Variants in RELN observed in about 807,000 individuals in gnomAD.
RELN encodes the protein reelin.
In RELN, 108 loss-of-function variants were observed where a neutral mutation model predicts 427.6. That is an observed-to-expected ratio of 0.25 (90% CI 0.22 to 0.30). RELN has a LOEUF of 0.30. Among genes scored for constraint, RELN ranks in the 10% least tolerant of loss-of-function variants. The probability of loss-of-function intolerance (pLI) is 1.00; values close to 1 mark genes in which losing one functional copy is unlikely to be tolerated. For missense variants in RELN, 3,715 were observed against 4,302.8 expected (o/e 0.86, Z 3.82); for synonymous variants, 1,524 against 1,513.4 (o/e 1.01, Z -0.16).
At chr7:103,639,097 G>A (rs1198933108) in intron 17 of RELN, among the ~76,000 whole-genome samples, 1 of 152,122 alleles carries the variant, frequency 6.6e-6, no homozygotes, top group Non-Finnish European at 1.5e-5. Context: ...TCTGATTATG[G>A]ATAATGGATG....
intron 50 of RELN, among the ~76,000 whole-genome samples, chr7:103,514,940 A>G (rs997300879): frequency 6.6e-6 from 1 of 152,212 alleles, no homozygotes; most frequent in Admixed American, 6.5e-5. Flanking sequence ...AAGAAAAGAA[A>G]ATCCTGTTAA....
chr7:103,535,963 AACAT>A (rs1830042024), intron 45 of RELN, among the ~76,000 whole-genome samples: 20 of 152,124 alleles, frequency 1.3e-4, no homozygotes, highest in South Asian at 2.1e-4. Flanking sequence ...TTTAATGGTT[AACAT>A]ACAAATAAGG....
chr7:103,729,170 G>C (rs1006551439), intron 6 of RELN, among the ~76,000 whole-genome samples: 1 of 152,144 alleles, frequency 6.6e-6, no homozygotes, highest in African/African-American at 2.4e-5. Flanking sequence ...AACCACATGA[G>C]AGCTATATTT....
chr7:103,691,914 G>A (rs1039176161), intron 10 of RELN, among the ~76,000 whole-genome samples: 2 of 151,842 alleles, frequency 1.3e-5, no homozygotes, highest in African/African-American at 2.4e-5. Flanking sequence ...TTCTTATTTC[G>A]TCATGACAAC....
At chr7:103,928,755 C>G (rs759801478) in intron 1 of RELN, among the ~76,000 whole-genome samples, 7 of 152,168 alleles carry the variant, frequency 4.6e-5, no homozygotes, top group Non-Finnish European at 8.8e-5. Flanking sequence ...AGAATTTTCT[C>G]TAACTGACGA....
intron 36 of RELN, among the ~76,000 whole-genome samples, chr7:103,560,964 G>C (rs953315737): frequency 5.9e-5 from 9 of 152,136 alleles, no homozygotes; most frequent in South Asian, 2.1e-4. Context: ...GAGAGAGATG[G>C]GATGTGGCAT....
chr7:103,841,503 C>T (rs538507372), intron 2 of RELN, among the ~76,000 whole-genome samples: 4 of 152,190 alleles, frequency 2.6e-5, no homozygotes, highest in East Asian at 3.9e-4. Flanking sequence ...TTTAAAGTTG[C>T]CCCCACACTC....
At chr7:103,544,237 T>C (rs1830237459) in intron 42 of RELN, among the ~76,000 whole-genome samples, 1 of 97,066 alleles carries the variant, frequency 1.0e-5, no homozygotes, top group Admixed American at 1.0e-4. Context: ...TTTTTTTTTT[T>C]TTTTTTTTTT....
chr7:103,503,971 C>A (rs111442354), intron 51 of RELN, among the ~76,000 whole-genome samples: 2,294 of 151,298 alleles, frequency 0.015, 63 homozygotes, highest in African/African-American at 0.053. Flanking sequence ...TTTGGGAGGC[C>A]GAGACGGGTG....
intron 4 of RELN, among the ~76,000 whole-genome samples, chr7:103,773,241 G>GTC (rs146200837): frequency 7.6e-5 from 5 of 65,776 alleles, no homozygotes; most frequent in African/African-American, 2.4e-4. Context: ...CTCCCTCCCT[G>GTC]TCTCTCTCTC....
At chr7:103,565,031 T>C (rs1830717795) in intron 34 of RELN, among the ~76,000 whole-genome samples, 1 of 152,128 alleles carries the variant, frequency 6.6e-6, no homozygotes, top group African/African-American at 2.4e-5. Flanking sequence ...AGTTTAAAAA[T>C]GGAATCTGGT....
chr7:103,881,745 G>A (rs1160870651), intron 2 of RELN, among the ~76,000 whole-genome samples: 2 of 152,050 alleles, frequency 1.3e-5, no homozygotes, highest in Non-Finnish European at 2.9e-5. Flanking sequence ...CTCAGCAGAT[G>A]CCTCATGGAA....
Position 103,596,579 on chromosome 7 carries a change from T to C in RELN, c.3416A>G (p.Glu1139Gly). The change falls in exon 25 of 65, where the codon GAG (glutamate) becomes GGG (glycine). Residue 1139 changes from glutamate (E) to glycine (G), a missense_variant. Glu to Gly is a moderately conservative substitution (Grantham distance 98, BLOSUM62 -2). This residue lies in a region of RELN where 2,208 missense variants were observed against 2,361.7 expected (regional missense o/e 0.93). Transcript: ENST00000428762. ...GTCAGGCTTGTTGCATGAAGCACTC[T>C]CTCCGCCTATCTGGATGTAGAACTG... ...FVQFYIQIGG[E>G]SASCNKPDSR... 1 of 1,614,036 alleles carries C rather than the reference T, an allele frequency of 6.2e-7. No individual in the cohort carries two copies. Among genetic ancestry groups the C allele is most frequent in the African/African-American group, 1.3e-5 (1 of 75,034 alleles).
At chr7:103,948,219 T>A (rs1282212028) in intron 1 of RELN, among the ~76,000 whole-genome samples, 1 of 152,240 alleles carries the variant, frequency 6.6e-6, no homozygotes, top group Non-Finnish European at 1.5e-5. Context: ...GTATTTTGTT[T>A]AGATGCCTTG....
chr7:103,829,183 C>A (rs531162835), intron 3 of RELN, among the ~76,000 whole-genome samples: 10 of 152,010 alleles, frequency 6.6e-5, no homozygotes, highest in South Asian at 2.1e-4. Flanking sequence ...TGTAAATTTT[C>A]AAAAATATTA....
chr7:103,612,395 C>G (rs1323548027), intron 20 of RELN, among the ~76,000 whole-genome samples: 2 of 151,784 alleles, frequency 1.3e-5, no homozygotes, highest in African/African-American at 4.8e-5. Flanking sequence ...CCTGCCTCAG[C>G]CTCCCTAGTA....
chr7:103,562,076 C>G, intron 34 of RELN, 123 bp from the exon 35 acceptor site: 1 of 1,162,022 alleles, frequency 8.6e-7, no homozygotes, highest in South Asian at 1.4e-5. Context: ...CCAGTTCTCT[C>G]TTTCTTGACG....
chr7:103,510,604 C>T lies in RELN; in HGVS notation c.8274+247G>A, dbSNP rs180918563. On this transcript the variant is annotated intron_variant, in intron 51 of 64. Coordinates refer to ENST00000428762, the MANE Select transcript of RELN (RefSeq NM_005045.4). ...ATGTAACAAACCTGCATGTTCTGCA[C>T]GTGTATCCCAAAACTTAAAGTATAA... Among the ~76,000 whole-genome samples, 4 of 151,816 alleles carry T rather than the reference C, an allele frequency of 2.6e-5. No homozygotes were observed. In the East Asian group the frequency reaches 5.8e-4, roughly 22 times the overall value.
At chr7:103,757,034 C>T (rs1298870458) in intron 4 of RELN, among the ~76,000 whole-genome samples, 3 of 152,086 alleles carry the variant, frequency 2.0e-5, no homozygotes, top group Admixed American at 2.0e-4. Flanking sequence ...CCATCTTTTC[C>T]ACATTTACTG....
Sources: allele counts gnomAD v4.1 joint callset (sites outside exome capture counted in the v4.1 genomes callset), GRCh38; gene constraint gnomAD v4.1.1; regional missense constraint gnomAD v4.1.1; transcripts MANE v1.5; gene names NCBI Gene and HGNC (gene_info 2026-07-23, HGNC 2026-07-21).